Variants in TPTE2 observed in about 807,000 individuals in gnomAD.
TPTE2 encodes phosphatidylinositol 3,4,5-trisphosphate 3-phosphatase TPTE2.
A neutral mutation model predicts 78.6 loss-of-function variants in TPTE2; 53 were observed. The ratio of observed to expected loss-of-function variants is 0.67; its 90% confidence interval spans 0.54 to 0.85. The LOEUF is 0.85. Ranked by LOEUF, TPTE2 falls within the 40% of genes least tolerant of loss-of-function variation. The probability of loss-of-function intolerance (pLI) is 0.00; values close to 1 mark genes in which losing one functional copy is unlikely to be tolerated. For missense variants in TPTE2, 461 were observed against 623.0 expected (o/e 0.74, Z 2.77); for synonymous variants, 175 against 206.2 (o/e 0.85, Z 1.30).
rs147241159 is a variant in TPTE2 at position 19,440,492 on chromosome 13, G to A, written c.974-2339C>T. Among the ~76,000 whole-genome samples the A allele has an allele frequency of 8.5e-5, 13 of 152,296 alleles. No individual in the cohort carries two copies. The East Asian group carries it at 1.9e-3, about 23-fold the overall frequency. On this transcript the variant is annotated intron_variant, in intron 13 of 19. Transcript: ENST00000400230. ...ATACTTCAAAATAGAGCCATGGGCC[G>A]GATGCAGTGGCTCACATCTGTAATC...
intron 10 of TPTE2, among the ~76,000 whole-genome samples, chr13:19,454,111 C>A (rs1328578773): frequency 6.6e-6 from 1 of 152,200 alleles, no homozygotes; most frequent in African/African-American, 2.4e-5. Context: ...TGTTTCTCCA[C>A]TAACTCTATG....
intron 14 of TPTE2, 54 bp from the exon 18 acceptor site, chr13:19,436,360 ATATTAGGTACCCT>A: frequency 1.3e-6 from 2 of 1,498,492 alleles, no homozygotes; most frequent in Non-Finnish European, 1.8e-6. Context: ...TTCCTTTCCT[ATATTAGGTACCCT>A]TAGTGTTTCT....
chr13:19,448,238 G>C (rs1877959753), intron 13 of TPTE2, among the ~76,000 whole-genome samples: 8 of 152,210 alleles, frequency 5.3e-5, no homozygotes, highest in Admixed American at 5.2e-4. Flanking sequence ...GAAAAGATAG[G>C]TGAAAATCTT....
chr13:19,541,109 G>C (rs990536792), upstream of TPTE2, among the ~76,000 whole-genome samples: 1 of 152,164 alleles, frequency 6.6e-6, no homozygotes, highest in Non-Finnish European at 1.5e-5. Context: ...TGGGATGGAG[G>C]TCCCTGCCTT....
At position 19,533,951 on chromosome 13, in the gene TPTE2, T is replaced by G. The variant is rs555432649; in HGVS notation, c.-44+2645A>C. ...TTTATTTCAGATCTGCTGTTGCTCT[T>G]CAATTTAAAAGCAAGACAGGAACAT... is the stretch of plus-strand genomic sequence containing the variant. On this transcript the variant is annotated intron_variant, in intron 1 of 17. Transcript: ENST00000390680. Among the ~76,000 whole-genome samples the G allele has an allele frequency of 7.9e-5, 12 of 152,374 alleles. No homozygotes were observed. In the South Asian group the frequency reaches 2.5e-3, roughly 32 times the overall value.
At chr13:19,544,671 A>T in the TPTE2 span, among the ~76,000 whole-genome samples, 1 of 152,278 alleles carries the variant, frequency 6.6e-6, no homozygotes, top group East Asian at 1.9e-4. Flanking sequence ...CAAGGCAGGT[A>T]GACTGCTTGA....
intron 1 of TPTE2, among the ~76,000 whole-genome samples, chr13:19,533,189 G>A (rs17082938): frequency 0.025 from 3,872 of 152,252 alleles, 131 homozygotes; most frequent in African/African-American, 0.075. Context: ...GCATACAACA[G>A]AGAAAACTCA....
chr13:19,451,841 G>GTATATA (rs1159877957), intron 10 of TPTE2, among the ~76,000 whole-genome samples: 14 of 119,852 alleles, frequency 1.2e-4, no homozygotes, highest in South Asian at 5.8e-4. Flanking sequence ...GTGTGTGTGT[G>GTATATA]TGTATATATG....
At chr13:19,517,089 T>C (rs980874967) in intron 1 of TPTE2, among the ~76,000 whole-genome samples, 1 of 152,124 alleles carries the variant, frequency 6.6e-6, no homozygotes, top group Non-Finnish European at 1.5e-5. Context: ...TTCTGGGAGT[T>C]TCTCCCTGTA....
At chr13:19,500,600 T>A (rs1055093004) in intron 1 of TPTE2, among the ~76,000 whole-genome samples, 37 of 152,264 alleles carry the variant, frequency 2.4e-4, no homozygotes, top group African/African-American at 6.3e-4. Flanking sequence ...AAATTCAACA[T>A]CCCTTCATGG....
At chr13:19,475,271 G>C (rs922003457) in intron 5 of TPTE2, among the ~76,000 whole-genome samples, 1 of 151,402 alleles carries the variant, frequency 6.6e-6, no homozygotes, top group African/African-American at 2.4e-5. Flanking sequence ...TGTCGCCAAG[G>C]CTGCAGTGCA....
chr13:19,540,820 T>A (rs1159727644), upstream of TPTE2, among the ~76,000 whole-genome samples: 2 of 152,254 alleles, frequency 1.3e-5, no homozygotes, highest in Non-Finnish European at 2.9e-5. Context: ...TTAATTCTTA[T>A]GATTTAACCA....
intron 10 of TPTE2, among the ~76,000 whole-genome samples, chr13:19,462,536 T>C (rs1208253924): frequency 1.2e-5 from 1 of 85,462 alleles, no homozygotes; most frequent in Non-Finnish European, 2.8e-5. Context: ...TTTTAACATT[T>C]CCTTTTTTTT....
In TPTE2 at chr13:19,535,242, T is replaced by C. The variant is rs867751930; in HGVS notation, c.-44+1354A>G. Among the ~76,000 whole-genome samples the C allele has an allele frequency of 1.1e-4, 15 of 132,546 alleles. No individual in the cohort carries two copies. The highest frequency in any genetic ancestry group is 4.1e-4 in the African/African-American group (15 of 36,938). 87.0% of individuals were successfully genotyped at this position (132,546 alleles called of 152,430 possible). ...ACAAAAAAATATATATATATATATATTCTTTAGATCCAAGAATCTAAGGAT... is the reference window on the plus strand; with the variant it reads ...ACAAAAAAATATATATATATATATACTCTTTAGATCCAAGAATCTAAGGAT... On this transcript the variant is annotated intron_variant, in intron 1 of 17. Transcript: ENST00000390680. The surrounding 1 kb of genome is among the most constrained non-coding windows in gnomAD (Gnocchi z 5.1).
intron 4 of TPTE2, among the ~76,000 whole-genome samples, chr13:19,480,307 G>C (rs1880268907): frequency 6.6e-6 from 1 of 152,088 alleles, no homozygotes; most frequent in African/African-American, 2.4e-5. Flanking sequence ...ACAATATAGG[G>C]GGATGACATT....
intron 1 of TPTE2, among the ~76,000 whole-genome samples, chr13:19,509,000 A>T (rs1320991682): frequency 2.6e-5 from 4 of 152,028 alleles, no homozygotes; most frequent in African/African-American, 4.8e-5. Context: ...TAGCTTTTTT[A>T]AAAAAACCCA....
intron 10 of TPTE2, among the ~76,000 whole-genome samples, chr13:19,454,435 C>T (rs1473936442): frequency 1.3e-5 from 2 of 152,182 alleles, no homozygotes; most frequent in African/African-American, 4.8e-5. Context: ...ACTGAACATG[C>T]AATCACTGAA....
At chr13:19,497,413 G>C (rs1881418839) in intron 1 of TPTE2, among the ~76,000 whole-genome samples, 1 of 129,694 alleles carries the variant, frequency 7.7e-6, no homozygotes, top group African/African-American at 2.7e-5. Context: ...TGACAGCTTT[G>C]AAGAGAGCAG....
chr13:19,506,158 A>ATATTTTTTTT (rs1566069858), upstream of TPTE2, among the ~76,000 whole-genome samples: 1 of 23,598 alleles, frequency 4.2e-5, no homozygotes, highest in Non-Finnish European at 9.8e-5. Context: ...GTGTATATAA[A>ATATTTTTTTT]TCTTTTTTTT....
Sources: gnomAD v4.1 joint callset for allele counts (sites outside exome capture counted in the v4.1 genomes callset) on GRCh38, gnomAD v4.1.1 for gene constraint, Gnocchi (gnomAD v3.1) non-coding constraint, MANE v1.5 for transcripts, NCBI Gene and HGNC (gene_info 2026-07-23, HGNC 2026-07-21) for gene names.